Variants in FAM78B observed in about 807,000 individuals in gnomAD.
FAM78B encodes protein FAM78B.
A neutral mutation model predicts 20.0 loss-of-function variants in FAM78B; 10 were observed. The ratio of observed to expected loss-of-function variants is 0.50; its 90% CI spans 0.31 to 0.85. FAM78B has a LOEUF of 0.85. FAM78B is among the 40% of genes least tolerant of loss of function. FAM78B has a pLI of 0.05. For missense variants in FAM78B, 283 were observed against 345.0 expected (o/e 0.82, Z 1.42); for synonymous variants, 135 against 132.8 (o/e 1.02, Z -0.12).
intron 1 of FAM78B, among the ~76,000 whole-genome samples, chr1:166,109,890 G>GTATATATGTATATATATATATA (rs1557903394): frequency 2.6e-4 from 6 of 23,188 alleles, no homozygotes; most frequent in East Asian, 2.0e-3. Context: ...ATGTATATAT[G>GTATATATGTATATATATATATA]TATATATATA....
intron 1 of FAM78B, among the ~76,000 whole-genome samples, chr1:166,108,448 A>T (rs979757773): frequency 6.6e-6 from 1 of 152,110 alleles, no homozygotes; most frequent in Non-Finnish European, 1.5e-5. Flanking sequence ...GAATATACCT[A>T]ATCAAGGAGT....
At chr1:166,131,855 T>C (rs1654889008) in intron 1 of FAM78B, among the ~76,000 whole-genome samples, 1 of 152,164 alleles carries the variant, frequency 6.6e-6, no homozygotes, top group Admixed American at 6.5e-5. Context: ...AGATGGAACC[T>C]GAAAAAATCC....
At chr1:166,102,332 T>C (rs1243128938) in intron 1 of FAM78B, among the ~76,000 whole-genome samples, 1 of 152,194 alleles carries the variant, frequency 6.6e-6, no homozygotes, top group African/African-American at 2.4e-5. Flanking sequence ...AACATCATCA[T>C]GACAGGATTA....
chr1:166,125,572 T>A (rs1472605042), intron 1 of FAM78B, among the ~76,000 whole-genome samples: 15 of 152,182 alleles, frequency 9.9e-5, no homozygotes, highest in Admixed American at 7.9e-4. Context: ...GCTAAACTAT[T>A]AACAAATACA....
At chr1:166,122,263 G>A (rs1167067330) in intron 1 of FAM78B, among the ~76,000 whole-genome samples, 1 of 152,136 alleles carries the variant, frequency 6.6e-6, no homozygotes, top group Admixed American at 6.5e-5. Flanking sequence ...TCTGCCCAGG[G>A]CACAGATCAG....
At chr1:166,082,073 C>G (rs1190130967) in intron 1 of FAM78B, among the ~76,000 whole-genome samples, 1 of 152,180 alleles carries the variant, frequency 6.6e-6, no homozygotes, top group African/African-American at 2.4e-5. Flanking sequence ...TTGTGCTGCC[C>G]CTGCAAGCCA....
chr1:166,165,549 T>C (rs1656335636), intron 1 of FAM78B, among the ~76,000 whole-genome samples: 1 of 152,062 alleles, frequency 6.6e-6, no homozygotes, highest in Non-Finnish European at 1.5e-5. Flanking sequence ...CCGCTCCGGT[T>C]TCTCCAAAGG....
At chr1:166,162,940 A>T (rs1473561861) in intron 1 of FAM78B, among the ~76,000 whole-genome samples, 3 of 152,142 alleles carry the variant, frequency 2.0e-5, no homozygotes, top group Non-Finnish European at 4.4e-5. Flanking sequence ...GTTCACCTTG[A>T]GTCCATTCAC....
chr1:166,148,368 T>C (rs149701230), intron 1 of FAM78B, among the ~76,000 whole-genome samples: 1 of 152,342 alleles, frequency 6.6e-6, no homozygotes, highest in African/African-American at 2.4e-5. Flanking sequence ...AGCATCTATA[T>C]AAGCATGATG....
intron 1 of FAM78B, among the ~76,000 whole-genome samples, chr1:166,155,354 T>C (rs573493295): frequency 3.9e-5 from 6 of 152,320 alleles, no homozygotes; most frequent in African/African-American, 9.6e-5. Flanking sequence ...ATGCTGGGCA[T>C]GTTATCCGAC....
At chr1:166,086,929 G>A (rs889913782) in intron 1 of FAM78B, among the ~76,000 whole-genome samples, 1 of 152,200 alleles carries the variant, frequency 6.6e-6, no homozygotes, top group Non-Finnish European at 1.5e-5. Flanking sequence ...TTCCCCCAGT[G>A]TGGCTACATG....
intron 1 of FAM78B, among the ~76,000 whole-genome samples, chr1:166,100,271 C>T (rs1279742628): frequency 1.3e-5 from 2 of 152,172 alleles, no homozygotes; most frequent in Non-Finnish European, 1.5e-5. Flanking sequence ...AGGAGCGATG[C>T]AGAAGACGGA....
chr1:166,157,771 C>T (rs1341451871), intron 1 of FAM78B, among the ~76,000 whole-genome samples: 1 of 152,188 alleles, frequency 6.6e-6, no homozygotes, highest in Non-Finnish European at 1.5e-5. Context: ...GGGTGACTGT[C>T]TGCTGGGGCC....
At chr1:166,113,079 T>C (rs1000147020) in intron 1 of FAM78B, among the ~76,000 whole-genome samples, 8 of 145,830 alleles carry the variant, frequency 5.5e-5, no homozygotes, top group Admixed American at 1.4e-4. Context: ...TGCTGTCTGA[T>C]GGTCACTCAG....
rs184956382 is a variant in FAM78B, at chr1:166,164,477, T to A, written c.263+1509A>T. Among the ~76,000 whole-genome samples the A allele has an allele frequency of 7.9e-5, 12 of 152,380 alleles. No homozygotes were observed. In the East Asian group the frequency reaches 2.3e-3, roughly 29 times the overall value. On this transcript the variant is annotated intron_variant, in intron 1 of 1. Coordinates refer to ENST00000354422, the MANE Select transcript of FAM78B (RefSeq NM_001017961.5). Reference sequence around the variant, plus strand: ...TCGCCCCAAATAAAATATCCCCCATTTCTCACATCTAGCTGTCTTCTCTGG... The same window carrying A: ...TCGCCCCAAATAAAATATCCCCCATATCTCACATCTAGCTGTCTTCTCTGG...
chr1:166,101,130 T>C (rs1352390936), intron 1 of FAM78B, among the ~76,000 whole-genome samples: 4 of 152,030 alleles, frequency 2.6e-5, no homozygotes, highest in Non-Finnish European at 5.9e-5. Context: ...CAACTGAGGG[T>C]CCCGACTGTT....
At chr1:166,114,977 G>A (rs1380941369) in intron 1 of FAM78B, among the ~76,000 whole-genome samples, 1 of 152,180 alleles carries the variant, frequency 6.6e-6, no homozygotes, top group Admixed American at 6.5e-5. Context: ...TAGAGGTGGT[G>A]ATTCTCAAAT....
intron 1 of FAM78B, among the ~76,000 whole-genome samples, chr1:166,114,094 T>C (rs1170245532): frequency 2.6e-5 from 4 of 152,216 alleles, no homozygotes; most frequent in African/African-American, 9.6e-5. Flanking sequence ...ATCCTTCCAC[T>C]GTTCAGCCAA....
chr1:166,161,924 G>A (rs1656160487), intron 1 of FAM78B, among the ~76,000 whole-genome samples: 2 of 152,210 alleles, frequency 1.3e-5, no homozygotes, highest in African/African-American at 4.8e-5. Flanking sequence ...GGAGGTGACT[G>A]TGTATCATAG....
Sources: gnomAD v4.1 joint callset for allele counts (sites outside exome capture counted in the v4.1 genomes callset) on GRCh38, gnomAD v4.1.1 for gene constraint, MANE v1.5 for transcripts, NCBI Gene and HGNC (gene_info 2026-07-23, HGNC 2026-07-21) for gene names.